The following PPP3CC variants were observed in gnomAD, a reference collection of about 807,000 sequenced individuals.
PPP3CC encodes serine/threonine-protein phosphatase 2B catalytic subunit gamma isoform.
PPP3CC carries 35 observed loss-of-function variants against 60.3 expected under a neutral mutation model. That is an observed-to-expected ratio of 0.58 (90% CI 0.44 to 0.77). The LOEUF (loss-of-function observed/expected upper bound fraction) is 0.77. Among genes scored for constraint, PPP3CC ranks in the 30% least tolerant of loss-of-function variants. The pLI, the probability that PPP3CC is intolerant of heterozygous loss-of-function variation, is 0.00. For synonymous variants in PPP3CC, 206 were observed against 224.3 expected (o/e 0.92, Z 0.73); for missense variants, 570 against 628.9 (o/e 0.91, Z 1.00).
intron 12 of PPP3CC, 151 bp downstream of exon 12, chr8:22,533,169 C>A: frequency 1.9e-6 from 1 of 522,998 alleles, no homozygotes. Flanking sequence ...CTACTTCCCT[C>A]CATACAGAAA....
In PPP3CC at chr8:22,441,298, C is replaced by A; in HGVS notation, c.-112C>A. 1 of 1,084,186 alleles carries A rather than the reference C, an allele frequency of 9.2e-7. No individual in the cohort carries two copies. The highest frequency in any genetic ancestry group is 1.3e-6 in the Non-Finnish European group (1 of 795,392). 67.2% of individuals were successfully genotyped at this position (1,084,186 alleles called of 1,614,324 possible). On this transcript the variant is annotated 5_prime_UTR_variant, in exon 1 of 14. Coordinates refer to ENST00000240139, the MANE Select transcript of PPP3CC (RefSeq NM_005605.5). ...ACACCGCTGAGGAGCCGGGGCCGGG[C>A]ACGGCTGGCTGACGGCTCCGGGCAG...
Position 22,540,824 on chromosome 8 carries a change from A to G in PPP3CC, c.*22A>G. 6.4e-7 allele frequency: 1 copy of G among 1,551,818 alleles called. No individual in the cohort carries two copies. Among genetic ancestry groups the G allele is most frequent in the South Asian group, 1.2e-5 (1 of 82,826 alleles). ...ATGACTTAGAGTCCTGCCGTGGCTCAGGTGGATCTAAAACTCAAGAACAAA... is the reference window on the plus strand; with the variant it reads ...ATGACTTAGAGTCCTGCCGTGGCTCGGGTGGATCTAAAACTCAAGAACAAA... On this transcript the variant is annotated 3_prime_UTR_variant, in exon 14 of 14. Coordinates refer to ENST00000240139, the MANE Select transcript of PPP3CC (RefSeq NM_005605.5).
intron 1 of PPP3CC, among the ~76,000 whole-genome samples, chr8:22,449,837 A>G (rs1836952109): frequency 6.6e-6 from 1 of 151,316 alleles, no homozygotes. Flanking sequence ...GGACAGCAAG[A>G]CTATTTTGAT....
At chr8:22,528,650 G>T in intron 10 of PPP3CC, 73 bp downstream of exon 10, 3 of 1,104,416 alleles carry the variant, frequency 2.7e-6, no homozygotes, top group South Asian at 4.0e-5. Flanking sequence ...AGTTTATTTT[G>T]AATGATTTTC....
intron 1 of PPP3CC, among the ~76,000 whole-genome samples, chr8:22,455,678 T>C (rs1837174562): frequency 6.6e-6 from 1 of 152,060 alleles, no homozygotes; most frequent in Non-Finnish European, 1.5e-5. Context: ...TGACTGGTGG[T>C]GGTTATTACT....
At chr8:22,528,699 A>T in intron 10 of PPP3CC, 122 bp downstream of exon 10, 1 of 763,498 alleles carries the variant, frequency 1.3e-6, no homozygotes, top group Non-Finnish European at 1.9e-6. Context: ...ATTGTAGAAA[A>T]ATAAAATTTG....
At chr8:22,448,869 A>C (rs1211418161) in intron 1 of PPP3CC, among the ~76,000 whole-genome samples, 1 of 152,208 alleles carries the variant, frequency 6.6e-6, no homozygotes, top group Non-Finnish European at 1.5e-5. Flanking sequence ...AACATTTACT[A>C]TGGTGAATCT....
chr8:22,514,021 G>A lies in PPP3CC; in HGVS notation c.770+589G>A, dbSNP rs188519391. 2.0e-4 allele frequency among the ~76,000 whole-genome samples: 30 copies of A among 152,190 alleles called. 1 individual carries two copies. The East Asian group carries it at 3.7e-3, about 19-fold the overall frequency. On this transcript the variant is annotated intron_variant, in intron 6 of 13. Transcript: ENST00000240139. ...AGCTCTTTGGGGTGCCTAGGCGGGCGGATCACTTAAGGCCAGGAGTTCGAG... is the reference window on the plus strand; with the variant it reads ...AGCTCTTTGGGGTGCCTAGGCGGGCAGATCACTTAAGGCCAGGAGTTCGAG...
At chr8:22,459,304 C>G (rs952279607) in intron 1 of PPP3CC, among the ~76,000 whole-genome samples, 1 of 152,122 alleles carries the variant, frequency 6.6e-6, no homozygotes, top group African/African-American at 2.4e-5. Context: ...AAATTTCTTA[C>G]TTTTCTTTAG....
At chr8:22,469,171 A>G (rs1364969393) in intron 1 of PPP3CC, among the ~76,000 whole-genome samples, 3 of 152,220 alleles carry the variant, frequency 2.0e-5, no homozygotes, top group Admixed American at 6.5e-5. Flanking sequence ...ACAAAACAAA[A>G]TAATGTCACT....
At chr8:22,467,439 TTTTG>T (rs1351963466) in intron 1 of PPP3CC, among the ~76,000 whole-genome samples, 2 of 152,120 alleles carry the variant, frequency 1.3e-5, no homozygotes, top group Non-Finnish European at 2.9e-5. Flanking sequence ...AAGATGTGTT[TTTTG>T]TTTGTTTGTT....
chr8:22,523,672 CAAT>C (rs760062229), intron 8 of PPP3CC: 10 of 454,772 alleles, frequency 2.2e-5, no homozygotes, highest in South Asian at 1.6e-4. Flanking sequence ...TGATTATCCT[CAAT>C]GATGGGAAAT....
At chr8:22,539,659 T>A (rs1349311482) in intron 13 of PPP3CC, among the ~76,000 whole-genome samples, 161 bp downstream of exon 13, 1 of 152,240 alleles carries the variant, frequency 6.6e-6, no homozygotes, top group Non-Finnish European at 1.5e-5. Context: ...AGGTGTTTCC[T>A]TTGTGTCCTA....
In PPP3CC at chr8:22,474,944, T is replaced by C. The variant is rs1236262575; in HGVS notation, c.50-10T>C. On this transcript the variant is annotated splice_polypyrimidine_tract_variant and intron_variant, in intron 1 of 13. Coordinates refer to ENST00000240139, the MANE Select transcript of PPP3CC (RefSeq NM_005605.5). ...AAATATTTTAAATTATTATTATTAT[T>C]TTTTTGTAGCTGTCCCCTTTCCTCC... 6.8e-7 allele frequency: 1 copy of C among 1,469,298 alleles called. No homozygotes were observed. The highest frequency in any genetic ancestry group is 9.1e-7 in the Non-Finnish European group (1 of 1,097,320). 91.0% of individuals were successfully genotyped at this position (1,469,298 alleles called of 1,614,324 possible).
At chr8:22,522,391 T>C in intron 6 of PPP3CC, 100 bp from the exon 7 acceptor site, 1 of 894,788 alleles carries the variant, frequency 1.1e-6, no homozygotes, top group South Asian at 1.7e-5. Context: ...CTTGTAGTTT[T>C]GAAACAAAAT....
chr8:22,455,642 A>G (rs1318517009), intron 1 of PPP3CC, among the ~76,000 whole-genome samples: 1 of 152,258 alleles, frequency 6.6e-6, no homozygotes, highest in South Asian at 2.1e-4. Context: ...ATATGCCACT[A>G]TAGAAGTTAT....
chr8:22,470,509 G>A (rs1343436814), intron 1 of PPP3CC, among the ~76,000 whole-genome samples: 1 of 151,930 alleles, frequency 6.6e-6, no homozygotes, highest in Non-Finnish European at 1.5e-5. Flanking sequence ...AACAAAAAAG[G>A]CTTTACATCT....
chr8:22,487,280 A>G (rs564788516), intron 3 of PPP3CC, among the ~76,000 whole-genome samples: 1 of 152,302 alleles, frequency 6.6e-6, no homozygotes, highest in African/African-American at 2.4e-5. Flanking sequence ...AAAATAGTAA[A>G]GTTTTATTTA....
intron 1 of PPP3CC, among the ~76,000 whole-genome samples, chr8:22,474,417 CAT>C (rs780900524): frequency 2.3e-4 from 35 of 151,792 alleles, no homozygotes; most frequent in Non-Finnish European, 4.0e-4. Context: ...ATGTGTAAAA[CAT>C]AGGGCTGGGC....
Sources: gnomAD v4.1 joint callset for allele counts (sites outside exome capture counted in the v4.1 genomes callset) on GRCh38, gnomAD v4.1.1 for gene constraint, MANE v1.5 for transcripts, NCBI Gene and HGNC (gene_info 2026-07-23, HGNC 2026-07-21) for gene names.